SH3GL2: variants seen among roughly 807,000 people sequenced by gnomAD.
SH3GL2 encodes the protein SH3 domain containing GRB2 like 2, endophilin A1, also known as endophilin-A1.
Under a neutral mutation model 46.0 loss-of-function variants are expected in SH3GL2, and 24 were observed. The ratio of observed to expected loss-of-function variants is 0.52; its 90% CI spans 0.38 to 0.73. The LOEUF (loss-of-function observed/expected upper bound fraction) is 0.73. Among genes scored for constraint, SH3GL2 ranks in the 30% least tolerant of loss-of-function variants. The pLI is 0.00. For synonymous variants in SH3GL2, 196 were observed against 147.1 expected, an observed-to-expected ratio of 1.33 and a Z score of -2.40; for missense variants, 413 against 424.2, an observed-to-expected ratio of 0.97 and a Z score of 0.23.
At chr9:17,615,624 C>T (rs1420304709) in intron 1 of SH3GL2, among the ~76,000 whole-genome samples, 2 of 139,902 alleles carry the variant, frequency 1.4e-5, no homozygotes, top group African/African-American at 2.8e-5. Flanking sequence ...CACTGCACTC[C>T]AGCCCGGGTG....
At position 17,722,781 on chromosome 9, in the gene SH3GL2, T is replaced by G. The variant is rs192415161; in HGVS notation, c.46-24285T>G. Among the ~76,000 whole-genome samples the G allele has an allele frequency of 4.1e-3, 631 of 152,250 alleles. 8 individuals carry two copies. The highest frequency in any genetic ancestry group is 0.014 in the African/African-American group (598 of 41,560). On this transcript the variant is annotated intron_variant, in intron 1 of 8. Coordinates refer to ENST00000380607, the MANE Select transcript of SH3GL2 (RefSeq NM_003026.5). ...TTATTTTCTTCATAAATTAGCCATT[T>G]TCTTCTGTCAGTAATTTATGTCCAT... is the stretch of plus-strand genomic sequence containing the variant.
intron 1 of SH3GL2, among the ~76,000 whole-genome samples, chr9:17,698,341 C>G (rs1351099251): frequency 6.6e-6 from 1 of 152,180 alleles, no homozygotes; most frequent in Non-Finnish European, 1.5e-5. Context: ...ATATCAGCTT[C>G]ATACAGAGGT....
rs1264942614 is a variant in SH3GL2, at chr9:17,786,365, C to T, written c.188-16C>T. ...ACATTGCCTACTCTGAAAGCTTGTTCTCTCTTCACCTTCAGCTTCCAGAGC... is the reference window on the plus strand; with the variant it reads ...ACATTGCCTACTCTGAAAGCTTGTTTTCTCTTCACCTTCAGCTTCCAGAGC... On this transcript the variant is annotated splice_polypyrimidine_tract_variant and intron_variant, in intron 3 of 8. Transcript: ENST00000380607. The T allele has an allele frequency of 4.4e-6, 7 of 1,597,984 alleles. No homozygotes were observed. Among genetic ancestry groups the T allele is most frequent in the Non-Finnish European group, 6.0e-6 (7 of 1,174,034 alleles).
intron 2 of SH3GL2, among the ~76,000 whole-genome samples, chr9:17,756,228 T>C (rs1190525524): frequency 6.6e-6 from 1 of 152,214 alleles, no homozygotes; most frequent in Non-Finnish European, 1.5e-5. Context: ...TCAAATTTTT[T>C]CAACCATTTA....
chr9:17,744,348 G>T (rs927236488), intron 1 of SH3GL2, among the ~76,000 whole-genome samples: 6 of 151,680 alleles, frequency 4.0e-5, no homozygotes, highest in African/African-American at 1.5e-4. Flanking sequence ...GAATATGCTC[G>T]TCAACTCACT....
chr9:17,775,168 T>C (rs1319730965), intron 3 of SH3GL2, among the ~76,000 whole-genome samples: 2 of 152,166 alleles, frequency 1.3e-5, no homozygotes, highest in Non-Finnish European at 2.9e-5. Context: ...GTGTCTTTTC[T>C]CTCTGTTTTT....
At chr9:17,658,070 A>G (rs1820131988) in intron 1 of SH3GL2, among the ~76,000 whole-genome samples, 1 of 152,192 alleles carries the variant, frequency 6.6e-6, no homozygotes, top group Non-Finnish European at 1.5e-5. Context: ...GCTCCCCTTT[A>G]GCTCACACTA....
At chr9:17,619,051 A>G (rs188989241) in intron 1 of SH3GL2, among the ~76,000 whole-genome samples, 14 of 152,350 alleles carry the variant, frequency 9.2e-5, no homozygotes, top group African/African-American at 3.4e-4. Flanking sequence ...TATGGTACTT[A>G]ACTGTGCGCT....
At chr9:17,767,098 A>G (rs1212018520) in intron 3 of SH3GL2, among the ~76,000 whole-genome samples, 2 of 152,190 alleles carry the variant, frequency 1.3e-5, no homozygotes, top group African/African-American at 2.4e-5. Flanking sequence ...ATCTAATACA[A>G]ATTTCCAAAC....
At chr9:17,714,808 A>G (rs1042652625) in intron 1 of SH3GL2, among the ~76,000 whole-genome samples, 3 of 151,854 alleles carry the variant, frequency 2.0e-5, no homozygotes, top group Non-Finnish European at 2.9e-5. Context: ...ATAACCTGTA[A>G]CATTTTCTAT....
At chr9:17,795,056 G>A (rs2131197758) in intron 8 of SH3GL2, among the ~76,000 whole-genome samples, 2 of 152,282 alleles carry the variant, frequency 1.3e-5, no homozygotes, top group South Asian at 4.1e-4. Flanking sequence ...ATTTTAAAGA[G>A]TGATAACCGA....
At chr9:17,600,984 T>A (rs922234704) in intron 1 of SH3GL2, among the ~76,000 whole-genome samples, 2 of 152,332 alleles carry the variant, frequency 1.3e-5, no homozygotes, top group Non-Finnish European at 2.9e-5. Context: ...TTTGTTGTTA[T>A]CCATTAGCTC....
intron 1 of SH3GL2, among the ~76,000 whole-genome samples, chr9:17,732,430 T>G (rs1164256130): frequency 1.3e-5 from 2 of 152,162 alleles, no homozygotes; most frequent in African/African-American, 4.8e-5. Context: ...CACTGCCTCC[T>G]TGTCTGTTAA....
intron 1 of SH3GL2, among the ~76,000 whole-genome samples, chr9:17,668,482 G>A (rs567742900): frequency 4.6e-5 from 7 of 151,938 alleles, no homozygotes; most frequent in African/African-American, 1.7e-4. Flanking sequence ...ATTTTTTTTG[G>A]CCATGCTCAA....
intron 1 of SH3GL2, among the ~76,000 whole-genome samples, chr9:17,687,217 G>GA (rs1820940938): frequency 6.6e-6 from 1 of 152,042 alleles, no homozygotes; most frequent in Admixed American, 6.6e-5. Context: ...TAAATTTTGA[G>GA]TTTTTTTCAA....
intron 1 of SH3GL2, among the ~76,000 whole-genome samples, chr9:17,613,427 A>G (rs991919002): frequency 2.6e-5 from 4 of 152,302 alleles, no homozygotes; most frequent in South Asian, 4.1e-4. Flanking sequence ...GTTTAGATAA[A>G]TAACAACAAT....
At chr9:17,700,760 C>A (rs575792393) in intron 1 of SH3GL2, among the ~76,000 whole-genome samples, 1 of 152,302 alleles carries the variant, frequency 6.6e-6, no homozygotes, top group Non-Finnish European at 1.5e-5. Flanking sequence ...ATGCTCTGCA[C>A]ACTAAAGAAA....
intron 1 of SH3GL2, among the ~76,000 whole-genome samples, chr9:17,652,993 TAATAA>T (rs1481163705): frequency 6.6e-6 from 1 of 152,170 alleles, no homozygotes; most frequent in Non-Finnish European, 1.5e-5. Context: ...TTCTGTCTGA[TAATAA>T]AATTGCTTCA....
chr9:17,752,281 T>G (rs549712905), intron 2 of SH3GL2, among the ~76,000 whole-genome samples: 31 of 152,326 alleles, frequency 2.0e-4, no homozygotes, highest in African/African-American at 7.5e-4. Context: ...TGTGATTGTT[T>G]ATTGAGCTGT....
Sources: allele counts gnomAD v4.1 joint callset (sites outside exome capture counted in the v4.1 genomes callset), GRCh38; gene constraint gnomAD v4.1.1; transcripts MANE v1.5; gene names NCBI Gene and HGNC (gene_info 2026-07-23, HGNC 2026-07-21).